ST7: variants seen among roughly 807,000 people sequenced by gnomAD.
ST7 encodes the protein suppressor of tumorigenicity 7 protein.
In ST7, 28 loss-of-function variants were observed where a neutral mutation model predicts 78.7. The ratio of observed to expected loss-of-function variants is 0.36; its 90% CI spans 0.26 to 0.49. The LOEUF (loss-of-function observed/expected upper bound fraction) is 0.49, where lower values mean the gene tolerates loss of function less well. Ranked by LOEUF, ST7 falls within the 20% of genes least tolerant of loss-of-function variation. ST7 has a pLI of 0.99. For missense variants in ST7, 418 were observed against 696.0 expected (o/e 0.60, Z 4.49); for synonymous variants, 247 against 249.6 (o/e 0.99, Z 0.10).
chr7:116,956,822 G>A (rs1792526796), intron 1 of ST7: 4 of 362,668 alleles, frequency 1.1e-5, no homozygotes, highest in South Asian at 8.5e-5. Flanking sequence ...GTAAAACCCA[G>A]GGTAAATAAG....
chr7:117,110,943 G>A (rs1183644821), intron 2 of ST7, among the ~76,000 whole-genome samples: 1 of 152,130 alleles, frequency 6.6e-6, no homozygotes, highest in Admixed American at 6.5e-5. Flanking sequence ...GGATGCTTCC[G>A]ACTGATAGGA....
chr7:117,017,023 C>G (rs1795648300), intron 1 of ST7, among the ~76,000 whole-genome samples: 1 of 151,974 alleles, frequency 6.6e-6, no homozygotes, highest in Non-Finnish European at 1.5e-5. Context: ...TTTAAGGGGC[C>G]CAAAACACTT....
At chr7:117,073,703 C>A (rs777184827) in intron 1 of ST7, 9 of 152,182 alleles carry the variant, frequency 5.9e-5, no homozygotes, top group Non-Finnish European at 1.3e-4. Flanking sequence ...GTAGTACATA[C>A]CTCAGAGGGT....
chr7:117,031,870 CTATA>C, intron 1 of ST7, among the ~76,000 whole-genome samples: 1 of 65,032 alleles, frequency 1.5e-5, no homozygotes, highest in Non-Finnish European at 2.8e-5. Context: ...ATCTATCTAT[CTATA>C]TATATATATT....
chr7:117,092,674 A>G (rs956343519), intron 1 of ST7, among the ~76,000 whole-genome samples: 1 of 152,228 alleles, frequency 6.6e-6, no homozygotes, highest in Non-Finnish European at 1.5e-5. Context: ...GGATTAAACT[A>G]TTCCGGTGTG....
intron 1 of ST7, among the ~76,000 whole-genome samples, chr7:116,969,058 C>G (rs192927768): frequency 2.6e-5 from 4 of 152,182 alleles, no homozygotes; most frequent in Non-Finnish European, 4.4e-5. Context: ...GTTAACATTT[C>G]GCCACAAGTG....
chr7:117,218,064 T>C (rs185036448), intron 13 of ST7, among the ~76,000 whole-genome samples: 50 of 152,328 alleles, frequency 3.3e-4, no homozygotes, highest in Non-Finnish European at 6.3e-4. Context: ...AATATGTACA[T>C]TGACAGCATT....
intron 1 of ST7, among the ~76,000 whole-genome samples, chr7:117,030,287 C>A (rs1356499847): frequency 1.3e-5 from 2 of 152,080 alleles, no homozygotes; most frequent in Non-Finnish European, 2.9e-5. Flanking sequence ...ATATTACCCA[C>A]TGAATATATG....
intron 9 of ST7, among the ~76,000 whole-genome samples, chr7:117,160,182 A>G (rs10260273): frequency 0.12 from 17,413 of 148,632 alleles, 1,886 homozygotes; most frequent in African/African-American, 0.28. Context: ...GCAGTGAGCC[A>G]AGATTGCCCC....
intron 2 of ST7, among the ~76,000 whole-genome samples, chr7:117,111,840 A>AT (rs1212064392): frequency 6.6e-6 from 1 of 151,700 alleles, no homozygotes; most frequent in Non-Finnish European, 1.5e-5. Context: ...AAATCTCTGG[A>AT]TTTTGCTTCG....
intron 1 of ST7, among the ~76,000 whole-genome samples, chr7:117,087,071 C>T (rs897038070): frequency 6.6e-6 from 1 of 152,074 alleles, no homozygotes; most frequent in African/African-American, 2.4e-5. Flanking sequence ...AGATTTTCCT[C>T]AGAAGAGAAG....
chr7:117,113,149 G>A (rs1428099408), intron 2 of ST7, among the ~76,000 whole-genome samples: 2 of 152,232 alleles, frequency 1.3e-5, no homozygotes, highest in Admixed American at 6.5e-5. Flanking sequence ...CAGTGCTGAG[G>A]CAGGAATGCT....
At chr7:116,973,240 C>A (rs1160434401) in intron 1 of ST7, among the ~76,000 whole-genome samples, 2 of 151,678 alleles carry the variant, frequency 1.3e-5, no homozygotes, top group African/African-American at 4.8e-5. Context: ...TATTTCTTGT[C>A]CTCTGTCTCT....
Position 116,953,676 on chromosome 7 carries a change from G to A in ST7, c.136G>A (p.Asp46Asn), listed in dbSNP as rs1792259631. ...YILRVPLKIN[D>N]NLSTVSMFLN... ...CCTGCGGGTGCCTTTGAAAATCAACGACAACTTGAGCACAGGTAAGGCCTG... is the reference window on the plus strand; with the variant it reads ...CCTGCGGGTGCCTTTGAAAATCAACAACAACTTGAGCACAGGTAAGGCCTG... The change falls in exon 1 of 16, where the codon GAC becomes AAC. Residue 46 changes from aspartate (D) to asparagine (N), a missense_variant. Around this residue, in one of 4 missense-constraint regions of ST7, gnomAD observed 71 missense variants for 61.5 expected, o/e 1.16. Coordinates refer to ENST00000323984, the MANE Select transcript of ST7 (RefSeq NM_001369598.1). The A allele has an allele frequency of 6.7e-6, 10 of 1,494,750 alleles. No individual in the cohort carries two copies. The highest frequency in any genetic ancestry group is 9.0e-6 in the Non-Finnish European group (10 of 1,108,474). 92.6% of individuals were successfully genotyped at this position (1,494,750 alleles called of 1,614,324 possible). A position where few individuals can be genotyped will look rare whatever the true frequency, so the allele number is the denominator to read the frequency against.
At chr7:117,121,992 T>C (rs17139368) in intron 3 of ST7, among the ~76,000 whole-genome samples, 12,071 of 151,986 alleles carry the variant, frequency 0.079, 585 homozygotes, top group African/African-American at 0.13. Context: ...GCCTTAAAAA[T>C]TATAATGCAA....
intron 1 of ST7, among the ~76,000 whole-genome samples, chr7:117,039,337 G>A (rs1797083437): frequency 1.3e-5 from 2 of 152,148 alleles, no homozygotes; most frequent in African/African-American, 4.8e-5. Flanking sequence ...ACTTTGAAAG[G>A]CCAAGGCAGG....
intron 1 of ST7, chr7:116,956,965 C>G (rs1205909848): frequency 4.8e-6 from 1 of 209,476 alleles, no homozygotes; most frequent in East Asian, 1.4e-4. Context: ...ACCTCCCAAA[C>G]AAAGGGACAA....
intron 5 of ST7, among the ~76,000 whole-genome samples, chr7:117,130,968 T>C (rs1202371139): frequency 6.6e-6 from 1 of 151,868 alleles, no homozygotes; most frequent in African/African-American, 2.4e-5. Flanking sequence ...TTTACTGGAT[T>C]CAGATGATTA....
chr7:117,113,025 G>T (rs1270544481), intron 2 of ST7, among the ~76,000 whole-genome samples: 1 of 152,198 alleles, frequency 6.6e-6, no homozygotes, highest in Non-Finnish European at 1.5e-5. Context: ...ATAAGATATG[G>T]CAGAAGTGAA....
Sources: allele counts gnomAD v4.1 joint callset (sites outside exome capture counted in the v4.1 genomes callset), GRCh38; gene constraint gnomAD v4.1.1; regional missense constraint gnomAD v4.1.1; transcripts MANE v1.5; gene names NCBI Gene and HGNC (gene_info 2026-07-23, HGNC 2026-07-21).